Variants in MYRFL observed in about 807,000 individuals in gnomAD.
The protein encoded by MYRFL is myelin regulatory factor-like protein.
MYRFL carries 88 observed loss-of-function variants against 109.4 expected under a neutral mutation model. The observed-to-expected ratio is 0.80, with a 90% CI of 0.68 to 0.96. The LOEUF is 0.96. MYRFL is among the 40% of genes least tolerant of loss of function. MYRFL has a pLI of 0.00. For synonymous variants in MYRFL, 324 were observed against 320.9 expected (o/e 1.01, Z -0.10); for missense variants, 957 against 954.9 (o/e 1.00, Z -0.03).
intron 2 of MYRFL, among the ~76,000 whole-genome samples, chr12:69,868,463 A>C (rs1318631153): frequency 6.6e-6 from 1 of 152,148 alleles, no homozygotes; most frequent in African/African-American, 2.4e-5. Context: ...GTACCTTTTC[A>C]TATGAGAGTT....
intron 1 of MYRFL, among the ~76,000 whole-genome samples, chr12:69,837,877 A>G (rs1011862816): frequency 3.3e-5 from 5 of 152,120 alleles, no homozygotes; most frequent in African/African-American, 9.7e-5. Flanking sequence ...TCTGTCTCCT[A>G]TGGACACCTG....
intron 2 of MYRFL, among the ~76,000 whole-genome samples, chr12:69,856,992 T>C (rs888665193): frequency 4.6e-5 from 7 of 151,966 alleles, no homozygotes; most frequent in Admixed American, 3.9e-4. Flanking sequence ...AGATTTTCTT[T>C]TAAAAGTTTT....
At chr12:69,899,681 G>T (rs1196356066) in intron 10 of MYRFL, among the ~76,000 whole-genome samples, 1 of 152,160 alleles carries the variant, frequency 6.6e-6, no homozygotes, top group Non-Finnish European at 1.5e-5. Flanking sequence ...ATTGTATGAG[G>T]GTTAGACCTA....
chr12:69,901,703 G>A (rs537391659), intron 10 of MYRFL, among the ~76,000 whole-genome samples: 1 of 152,204 alleles, frequency 6.6e-6, no homozygotes, highest in East Asian at 1.9e-4. Flanking sequence ...TAGTTGATTG[G>A]TTGCTATAAA....
At chr12:69,845,825 G>A (rs1449708986) in intron 1 of MYRFL, among the ~76,000 whole-genome samples, 1 of 150,932 alleles carries the variant, frequency 6.6e-6, no homozygotes, top group Non-Finnish European at 1.5e-5. Flanking sequence ...GTTATTTCAG[G>A]TTCTACAGAT....
intron 7 of MYRFL, among the ~76,000 whole-genome samples, 196 bp from the exon 8 acceptor site, chr12:69,893,568 A>G (rs1887042118): frequency 6.6e-6 from 1 of 152,086 alleles, no homozygotes; most frequent in Non-Finnish European, 1.5e-5. Flanking sequence ...TTTCACAGGT[A>G]TTTATTTCTT....
chr12:69,949,510 G>T (rs901861028), intron 19 of MYRFL, among the ~76,000 whole-genome samples: 2 of 152,188 alleles, frequency 1.3e-5, no homozygotes, highest in Non-Finnish European at 2.9e-5. Context: ...CCTTCAGCTG[G>T]CTGCATCTCA....
At chr12:69,923,476 A>T (rs1467096032) in intron 13 of MYRFL, among the ~76,000 whole-genome samples, 2 of 152,170 alleles carry the variant, frequency 1.3e-5, no homozygotes, top group African/African-American at 4.8e-5. Context: ...TCTAACTTAA[A>T]TTTAGATTTG....
intron 7 of MYRFL, among the ~76,000 whole-genome samples, chr12:69,891,692 TC>T (rs199884280): frequency 2.6e-5 from 3 of 116,038 alleles, no homozygotes; most frequent in Non-Finnish European, 3.9e-5. Flanking sequence ...TTTCGTTCGT[TC>T]GTTCTTTCTT....
chr12:69,916,021 T>C (rs1240321771), intron 13 of MYRFL, among the ~76,000 whole-genome samples: 1 of 152,056 alleles, frequency 6.6e-6, no homozygotes, highest in Non-Finnish European at 1.5e-5. Flanking sequence ...ATTCTTGTTG[T>C]TTTTTTAAAT....
intron 5 of MYRFL, among the ~76,000 whole-genome samples, chr12:69,880,625 C>T (rs1645533476): frequency 6.6e-6 from 1 of 152,186 alleles, no homozygotes; most frequent in Admixed American, 6.5e-5. Flanking sequence ...GCTGGTGTGC[C>T]CATTGCATTG....
chr12:69,958,521 G>T lies in MYRFL; in HGVS notation c.2723G>T (p.Arg908Leu). Residue 908 changes from arginine to leucine, a missense_variant, in exon 25 of 25, where the codon CGC becomes CTC. Arg to Leu is a moderately radical substitution (Grantham distance 102). Transcript: ENST00000552032. The stretch of plus-strand genomic sequence containing the variant: ...GATTACTTCTTTTACTTCTATCGAC[G>T]CTGTGCCTAATTTGTTCAAGTTTGG... ...FTDYFFYFYRRCA is the reference protein window; with the variant it reads ...FTDYFFYFYRLCA 6.5e-7 allele frequency: 1 copy of T among 1,533,650 alleles called. No homozygotes were observed. Among genetic ancestry groups the T allele is most frequent in the Non-Finnish European group, 8.7e-7 (1 of 1,146,116 alleles).
intron 1 of MYRFL, among the ~76,000 whole-genome samples, chr12:69,835,140 G>A (rs996997604): frequency 4.6e-5 from 7 of 152,260 alleles, no homozygotes; most frequent in Non-Finnish European, 8.8e-5. Context: ...AAAAGAACCG[G>A]TTCTTGTATC....
intron 1 of MYRFL, among the ~76,000 whole-genome samples, chr12:69,839,678 T>C (rs2136316106): frequency 6.6e-6 from 1 of 152,332 alleles, no homozygotes. Flanking sequence ...TCTCATAGAA[T>C]AAAATTGTTT....
At chr12:69,885,187 TC>T (rs1886371873) in intron 5 of MYRFL, among the ~76,000 whole-genome samples, 2 of 152,214 alleles carry the variant, frequency 1.3e-5, no homozygotes, top group East Asian at 3.8e-4. Flanking sequence ...ATTGTCCACT[TC>T]CTGTATTTGT....
In MYRFL at chr12:69,825,563, G is replaced by A. The variant is rs1191544559; in HGVS notation, c.46G>A (p.Ala16Thr). ...ENEALQQFFEAQGANGTLENP... is the reference protein window; with the variant it reads ...ENEALQQFFETQGANGTLENP... ...TGAGGCCCTGCAGCAGTTCTTTGAA[G>A]GTAAGAGGCCAATTTCCAGCATGAA... The change falls in exon 1 of 25, where the codon GCT becomes ACT. Residue 16 changes from alanine (A) to threonine (T), a missense_variant and splice_region_variant. Transcript: ENST00000552032. 7 of 701,670 alleles carry A rather than the reference G, an allele frequency of 1.0e-5. No individual in the cohort carries two copies. In the Admixed American group the frequency reaches 1.2e-4, roughly 12 times the overall value. The allele number at this position is 701,670 out of a possible 1,614,324, so 43.5% of individuals were successfully genotyped here.
intron 19 of MYRFL, among the ~76,000 whole-genome samples, chr12:69,943,943 T>C (rs200535878): frequency 0.12 from 18,555 of 149,110 alleles, 1,606 homozygotes; most frequent in East Asian, 0.46. Context: ...ATGCTCATCA[T>C]CACTGGCCAT....
Position 69,909,224 on chromosome 12 carries a change from A to G in MYRFL, c.1384-745A>G, listed in dbSNP as rs557976540. ...GAAATAAAGCTAATCCGTTTAGCCA[A>G]TTAAGCACCAAGCTACCATCTTTCA... On this transcript the variant is annotated intron_variant, in intron 11 of 24. Transcript: ENST00000552032. 3.9e-5 allele frequency among the ~76,000 whole-genome samples: 6 copies of G among 152,340 alleles called. No individual in the cohort carries two copies. In the East Asian group the frequency reaches 9.6e-4, roughly 24 times the overall value.
intron 8 of MYRFL, 123 bp downstream of exon 8, chr12:69,893,963 C>A: frequency 4.2e-6 from 1 of 240,566 alleles, no homozygotes; most frequent in Non-Finnish European, 7.4e-6. Flanking sequence ...ATGAAACCTA[C>A]CATAGAATCC....
Sources: allele counts gnomAD v4.1 joint callset (sites outside exome capture counted in the v4.1 genomes callset), GRCh38; gene constraint gnomAD v4.1.1; transcripts MANE v1.5; gene names NCBI Gene and HGNC (gene_info 2026-07-23, HGNC 2026-07-21).